The following RBMS3 variants were observed in gnomAD, a reference collection of about 807,000 sequenced individuals.
RBMS3 encodes RNA-binding motif, single-stranded-interacting protein 3.
A neutral mutation model predicts 66.8 loss-of-function variants in RBMS3; 27 were observed. The ratio of observed to expected loss-of-function variants is 0.40; its 90% confidence interval spans 0.30 to 0.56. The LOEUF (loss-of-function observed/expected upper bound fraction) is 0.56, where lower values mean the gene tolerates loss of function less well. Among genes scored for constraint, RBMS3 ranks in the 20% least tolerant of loss-of-function variants. The pLI, the probability that RBMS3 is intolerant of heterozygous loss-of-function variation, is 0.40. For synonymous variants in RBMS3, 188 were observed against 183.0 expected (o/e 1.03, Z -0.22); for missense variants, 513 against 549.5 (o/e 0.93, Z 0.66).
At chr3:29,723,079 G>A (rs979898183) in intron 4 of RBMS3, among the ~76,000 whole-genome samples, 2 of 151,990 alleles carry the variant, frequency 1.3e-5, no homozygotes, top group African/African-American at 4.8e-5. Context: ...AGGTTCAAGT[G>A]ATTCTCCTGC....
At chr3:29,764,181 A>G (rs997754748) in intron 6 of RBMS3, among the ~76,000 whole-genome samples, 5 of 152,012 alleles carry the variant, frequency 3.3e-5, no homozygotes, top group African/African-American at 1.2e-4. Flanking sequence ...TAATCTGAAA[A>G]CCTAAAGTAG....
intron 5 of RBMS3, among the ~76,000 whole-genome samples, chr3:29,755,636 G>T (rs758341734): frequency 5.9e-5 from 9 of 152,218 alleles, no homozygotes; most frequent in Non-Finnish European, 1.2e-4. Flanking sequence ...AGTTCATTGA[G>T]AGCCAGAGCC....
At chr3:29,492,349 T>C (rs770413551) in intron 3 of RBMS3, among the ~76,000 whole-genome samples, 4 of 152,160 alleles carry the variant, frequency 2.6e-5, no homozygotes, top group Non-Finnish European at 5.9e-5. Context: ...AGACAGCAAT[T>C]ATAGAAAATT....
At chr3:29,440,455 TG>T (rs1319458106) in intron 2 of RBMS3, among the ~76,000 whole-genome samples, 2 of 152,182 alleles carry the variant, frequency 1.3e-5, no homozygotes, top group African/African-American at 4.8e-5. Flanking sequence ...GGGAAACTCT[TG>T]GGTAGGTACA....
chr3:29,631,250 C>G (rs969199936), intron 4 of RBMS3, among the ~76,000 whole-genome samples: 1 of 151,724 alleles, frequency 6.6e-6, no homozygotes, highest in African/African-American at 2.4e-5. Flanking sequence ...TACTTTTTTA[C>G]AGCTTTCTAT....
At position 29,995,260 on chromosome 3, in the gene RBMS3, T is replaced by G. The variant is rs976630904; in HGVS notation, c.1307+4051T>G. Among the ~76,000 whole-genome samples the G allele has an allele frequency of 8.2e-4, 125 of 152,214 alleles. 1 individual carries two copies. The highest frequency in any genetic ancestry group is 2.9e-3 in the African/African-American group (120 of 41,540). On this transcript the variant is annotated intron_variant, in intron 14 of 14. Coordinates refer to ENST00000383767, the MANE Select transcript of RBMS3 (RefSeq NM_001003793.3). Reference sequence around the variant, plus strand: ...GCAAAGCCTCCAAGAAATATGGGACTATGTGAAAAGACCAAATCTACATCT... The same window carrying G: ...GCAAAGCCTCCAAGAAATATGGGACGATGTGAAAAGACCAAATCTACATCT...
intron 1 of RBMS3, among the ~76,000 whole-genome samples, chr3:29,374,393 A>G (rs915746024): frequency 1.3e-5 from 2 of 152,228 alleles, no homozygotes; most frequent in African/African-American, 2.4e-5. Flanking sequence ...TAAAAGTTAC[A>G]TCATAGAAAC....
Position 29,821,288 on chromosome 3 carries a change from C to G in RBMS3, c.638-47570C>G, listed in dbSNP as rs143978988. The stretch of plus-strand genomic sequence containing the variant: ...ACAACTTTCCCTACTTTCCATTGTC[C>G]CAGCATTTTGTATTTAGCTCTTTAA... On this transcript the variant is annotated intron_variant, in intron 6 of 14. Coordinates refer to ENST00000383767, the MANE Select transcript of RBMS3 (RefSeq NM_001003793.3). Among the ~76,000 whole-genome samples, 326 of 152,052 alleles carry G rather than the reference C, an allele frequency of 2.1e-3. 4 individuals are homozygous for G. Among genetic ancestry groups the G allele is most frequent in the African/African-American group, 7.5e-3 (312 of 41,462 alleles).
In RBMS3 at chr3:29,798,826, G is replaced by T. The variant is rs184132367; in HGVS notation, c.637+35837G>T. Among the ~76,000 whole-genome samples, 1,097 of 151,810 alleles carry T rather than the reference G, an allele frequency of 7.2e-3. 10 individuals carry two copies. Among genetic ancestry groups the T allele is most frequent in the Non-Finnish European group, 0.011 (722 of 67,964 alleles). On this transcript the variant is annotated intron_variant, in intron 6 of 14. Coordinates refer to ENST00000383767, the MANE Select transcript of RBMS3 (RefSeq NM_001003793.3). ...ATATTGTTGCAACAGTAGAATTTTT[G>T]ATGACTCTCTGGATTTAATTCATGC...
At chr3:29,997,942 T>G (rs1407322949) in intron 14 of RBMS3, among the ~76,000 whole-genome samples, 9 of 152,236 alleles carry the variant, frequency 5.9e-5, no homozygotes, top group Admixed American at 3.9e-4. Flanking sequence ...GAGAAAGAAA[T>G]AAAGGGTATT....
intron 6 of RBMS3, among the ~76,000 whole-genome samples, chr3:29,799,059 C>T (rs1410635946): frequency 6.6e-6 from 1 of 151,260 alleles, no homozygotes; most frequent in African/African-American, 2.4e-5. Context: ...TTTTCTTAAG[C>T]GATGTCATTG....
intron 2 of RBMS3, among the ~76,000 whole-genome samples, chr3:29,453,698 G>A (rs1424061588): frequency 6.6e-6 from 1 of 152,166 alleles, no homozygotes; most frequent in Non-Finnish European, 1.5e-5. Flanking sequence ...GAGATTTCTT[G>A]GCAGCTGTGG....
In RBMS3 at chr3:29,642,601, A is replaced by T. The variant is rs1444799477; in HGVS notation, c.399+55396A>T. On this transcript the variant is annotated intron_variant, in intron 4 of 14. Coordinates refer to ENST00000383767, the MANE Select transcript of RBMS3 (RefSeq NM_001003793.3). ...CCCCAGTCACTGCAAACATTTAGTC[A>T]CTAGGGACAGCAGAACAAGACTGTG... is the stretch of plus-strand genomic sequence containing the variant. 3 of 152,220 alleles carry T rather than the reference A, an allele frequency of 2.0e-5. No homozygotes were observed. In the East Asian group the frequency reaches 5.8e-4, roughly 29 times the overall value. 9.4% of individuals were successfully genotyped at this position (152,220 alleles called of 1,614,324 possible). A position where few individuals can be genotyped will look rare whatever the true frequency, so the allele number is the denominator to read the frequency against.
At chr3:29,705,713 C>A (rs979504722) in intron 4 of RBMS3, among the ~76,000 whole-genome samples, 1 of 152,048 alleles carries the variant, frequency 6.6e-6, no homozygotes, top group Admixed American at 6.6e-5. Context: ...CACGGAGAAG[C>A]ATTATCATGG....
intron 4 of RBMS3, among the ~76,000 whole-genome samples, chr3:29,636,515 A>C (rs866919565): frequency 2.0e-4 from 30 of 151,946 alleles, no homozygotes; most frequent in Admixed American, 1.1e-3. Flanking sequence ...TAATCTGTTT[A>C]GAATTTCATT....
intron 4 of RBMS3, among the ~76,000 whole-genome samples, chr3:29,656,244 C>G (rs1197289254): frequency 6.6e-6 from 1 of 152,202 alleles, no homozygotes; most frequent in Non-Finnish European, 1.5e-5. Flanking sequence ...CACCCAGTCA[C>G]TGGCTGACCC....
intron 3 of RBMS3, among the ~76,000 whole-genome samples, chr3:29,528,188 C>T (rs990519499): frequency 6.8e-6 from 1 of 147,438 alleles, no homozygotes; most frequent in Non-Finnish European, 1.5e-5. Flanking sequence ...TCTAGGCTCA[C>T]TGTAACCTCC....
chr3:29,326,818 C>T (rs533180658), intron 1 of RBMS3, among the ~76,000 whole-genome samples: 3 of 151,998 alleles, frequency 2.0e-5, no homozygotes, highest in Middle Eastern at 3.4e-3. Context: ...GCAACCTCCA[C>T]CTCCTGGGTT....
chr3:29,314,978 CTG>C (rs1457964925), intron 1 of RBMS3, among the ~76,000 whole-genome samples: 1 of 151,592 alleles, frequency 6.6e-6, no homozygotes, highest in Non-Finnish European at 1.5e-5. Context: ...TTCTAAATGA[CTG>C]TGGCCATAAA....
Sources: allele counts gnomAD v4.1 joint callset (sites outside exome capture counted in the v4.1 genomes callset), GRCh38; gene constraint gnomAD v4.1.1; transcripts MANE v1.5; gene names NCBI Gene and HGNC (gene_info 2026-07-23, HGNC 2026-07-21).